Variants in EXOC4 observed in about 807,000 individuals in gnomAD.
The protein encoded by EXOC4 is SEC8-like 1.
In EXOC4, 71 loss-of-function variants were observed where a neutral mutation model predicts 107.2. The ratio of observed to expected loss-of-function variants is 0.66; its 90% CI spans 0.55 to 0.81. The LOEUF (loss-of-function observed/expected upper bound fraction) is 0.81. Ranked by LOEUF, EXOC4 falls within the 30% of genes least tolerant of loss-of-function variation. The probability of loss-of-function intolerance (pLI) is 0.00; values close to 1 mark genes in which losing one functional copy is unlikely to be tolerated. For missense variants in EXOC4, 1,108 were observed against 1,189.6 expected (o/e 0.93, Z 1.01); for synonymous variants, 456 against 441.2 (o/e 1.03, Z -0.42).
In EXOC4 at chr7:133,815,323, C is replaced by T. The variant is rs139939336; in HGVS notation, c.1515-2002C>T. Among the ~76,000 whole-genome samples the T allele has an allele frequency of 2.9e-3, 425 of 144,734 alleles. 2 individuals are homozygous for T. Among genetic ancestry groups the T allele is most frequent in the African/African-American group, 9.8e-3 (380 of 38,918 alleles). 95.0% of individuals were successfully genotyped at this position (144,734 alleles called of 152,430 possible). A position where few individuals can be genotyped will look rare whatever the true frequency, so the allele number is the denominator to read the frequency against. On this transcript the variant is annotated intron_variant, in intron 10 of 17. Coordinates refer to ENST00000253861, the MANE Select transcript of EXOC4 (RefSeq NM_021807.4). Reference sequence around the variant, plus strand: ...TTGAACCCAGGAGGTGGAGGTGAGCCGAGATCGTACCACTGTACTCCATCC... The same window carrying T: ...TTGAACCCAGGAGGTGGAGGTGAGCTGAGATCGTACCACTGTACTCCATCC...
At chr7:133,958,149 A>T (rs1470029156) in intron 14 of EXOC4, among the ~76,000 whole-genome samples, 1 of 152,236 alleles carries the variant, frequency 6.6e-6, no homozygotes, top group Non-Finnish European at 1.5e-5. Context: ...AATTAAATTA[A>T]CAAAATGCTT....
In EXOC4 at chr7:133,480,147, T is replaced by C. The variant is rs147483176; in HGVS notation, c.1417+9T>C. 1.5e-4 allele frequency: 234 copies of C among 1,613,536 alleles called. 4 individuals are homozygous for C. The South Asian group carries it at 1.7e-3, about 12-fold the overall frequency. On this transcript the variant is annotated intron_variant, in intron 9 of 17. Transcript: ENST00000253861. ...GAGTGGAGAACTGCAAGGTGAGTGA[T>C]TGAGCTTCTCTGGAAAAATTAATTT...
At chr7:134,079,605 G>T in the EXOC4 span, among the ~76,000 whole-genome samples, 1 of 152,166 alleles carries the variant, frequency 6.6e-6, no homozygotes, top group Non-Finnish European at 1.5e-5. Context: ...GGAAGGAGGT[G>T]CCTGAGTCTG....
At chr7:133,829,918 T>G (rs986335936) in intron 11 of EXOC4, among the ~76,000 whole-genome samples, 2 of 152,192 alleles carry the variant, frequency 1.3e-5, no homozygotes, top group African/African-American at 4.8e-5. Context: ...TACAGTCTTT[T>G]GAGGAGGAAA....
intron 10 of EXOC4, among the ~76,000 whole-genome samples, chr7:133,649,086 T>C (rs1481798799): frequency 6.6e-6 from 1 of 152,194 alleles, no homozygotes; most frequent in Non-Finnish European, 1.5e-5. Flanking sequence ...TAAATTTAGT[T>C]GAGCATTTTC....
chr7:133,350,054 T>C (rs1389097402), intron 5 of EXOC4, among the ~76,000 whole-genome samples: 1 of 152,166 alleles, frequency 6.6e-6, no homozygotes, highest in African/African-American at 2.4e-5. Context: ...TTAGGAGTGC[T>C]CTATATATTT....
At chr7:133,992,458 CT>C (rs1794285644) in intron 14 of EXOC4, among the ~76,000 whole-genome samples, 1 of 151,700 alleles carries the variant, frequency 6.6e-6, no homozygotes, top group East Asian at 1.9e-4. Flanking sequence ...AATTTTTGTA[CT>C]TTTATTAAAG....
intron 7 of EXOC4, among the ~76,000 whole-genome samples, chr7:133,389,280 T>G (rs749615861): frequency 1.3e-5 from 2 of 151,890 alleles, no homozygotes; most frequent in Non-Finnish European, 2.9e-5. Flanking sequence ...CTATAAGAAA[T>G]GGAGAGTCGG....
chr7:133,329,339 T>G (rs2150601366), intron 5 of EXOC4, among the ~76,000 whole-genome samples: 2 of 152,302 alleles, frequency 1.3e-5, no homozygotes, highest in East Asian at 3.9e-4. Flanking sequence ...TTCAAGGCTT[T>G]TAGCTTCCTT....
rs1247081242 is a variant in EXOC4 at position 133,356,578 on chromosome 7, G to A, written c.1007+5G>A. 4 of 1,613,534 alleles carry A rather than the reference G, an allele frequency of 2.5e-6. No homozygotes were observed. Among genetic ancestry groups the A allele is most frequent in the Non-Finnish European group, 3.4e-6 (4 of 1,179,712 alleles). ...TACTGTGGAGAACCAACCAAGGTAGGTGGGAGTGTATTTTGTATTTTTGAC... is the reference window on the plus strand; with the variant it reads ...TACTGTGGAGAACCAACCAAGGTAGATGGGAGTGTATTTTGTATTTTTGAC... On this transcript the variant is annotated splice_donor_5th_base_variant and intron_variant, in intron 6 of 17. Transcript: ENST00000253861.
At chr7:133,759,476 T>C (rs1241517611) in intron 10 of EXOC4, among the ~76,000 whole-genome samples, 2 of 152,202 alleles carry the variant, frequency 1.3e-5, no homozygotes. Context: ...CAAGTACAAG[T>C]ATTATCTCAC....
intron 11 of EXOC4, among the ~76,000 whole-genome samples, chr7:133,823,871 A>ATATATATATATATATATT (rs1563014863): frequency 1.4e-4 from 2 of 14,318 alleles, no homozygotes; most frequent in Non-Finnish European, 2.0e-4. Flanking sequence ...ATATATATAT[A>ATATATATATATATATATT]TTATATATAT....
chr7:133,350,924 C>T (rs956950498), intron 5 of EXOC4, among the ~76,000 whole-genome samples: 4 of 151,824 alleles, frequency 2.6e-5, no homozygotes, highest in Admixed American at 2.6e-4. Flanking sequence ...TATATTATAG[C>T]TTTCATTATA....
chr7:134,094,234 A>C, the EXOC4 span, among the ~76,000 whole-genome samples: 1 of 152,204 alleles, frequency 6.6e-6, no homozygotes, highest in Non-Finnish European at 1.5e-5. Flanking sequence ...AGATGACATT[A>C]TAACTGATCC....
chr7:133,602,524 GAGAA>G (rs1801833277), intron 9 of EXOC4, among the ~76,000 whole-genome samples: 1 of 152,126 alleles, frequency 6.6e-6, no homozygotes, highest in Non-Finnish European at 1.5e-5. Context: ...ATTGAAATGC[GAGAA>G]CTAAAAGCTG....
At chr7:133,687,446 A>G (rs980780507) in intron 10 of EXOC4, among the ~76,000 whole-genome samples, 1 of 152,074 alleles carries the variant, frequency 6.6e-6, no homozygotes, top group Non-Finnish European at 1.5e-5. Context: ...AGAAAAAAAA[A>G]CTGAAACTCA....
intron 1 of EXOC4, among the ~76,000 whole-genome samples, chr7:133,260,525 C>T (rs1009709025): frequency 6.6e-5 from 10 of 152,158 alleles, no homozygotes; most frequent in African/African-American, 2.4e-4. Context: ...CCACTTGCCT[C>T]GGCCTCCCAA....
At chr7:134,034,893 A>G (rs1281439164) in intron 17 of EXOC4, among the ~76,000 whole-genome samples, 3 of 152,080 alleles carry the variant, frequency 2.0e-5, no homozygotes, top group African/African-American at 7.2e-5. Context: ...AGCATGAAAG[A>G]CTCCATTGTG....
At chr7:133,302,579 G>A (rs145523395) in intron 3 of EXOC4, among the ~76,000 whole-genome samples, 55 of 152,276 alleles carry the variant, frequency 3.6e-4, no homozygotes, top group African/African-American at 1.3e-3. Flanking sequence ...ACATGAATGC[G>A]TGGTGTTTGA....
Sources: allele counts gnomAD v4.1 joint callset (sites outside exome capture counted in the v4.1 genomes callset), GRCh38; gene constraint gnomAD v4.1.1; transcripts MANE v1.5; gene names NCBI Gene and HGNC (gene_info 2026-07-23, HGNC 2026-07-21).